Variants in GALNT18 observed in about 807,000 individuals in gnomAD.
GALNT18 encodes the protein polypeptide N-acetylgalactosaminyltransferase 18.
Under a neutral mutation model 69.5 loss-of-function variants are expected in GALNT18, and 44 were observed. That is an observed-to-expected ratio of 0.63 (90% CI 0.50 to 0.81). The LOEUF (loss-of-function observed/expected upper bound fraction) is 0.81. Ranked by LOEUF, GALNT18 falls within the 40% of genes least tolerant of loss-of-function variation. The probability of loss-of-function intolerance (pLI) is 0.00; values close to 1 mark genes in which losing one functional copy is unlikely to be tolerated. For synonymous variants in GALNT18, 364 were observed against 318.2 expected (o/e 1.14, Z -1.53); for missense variants, 715 against 810.0 (o/e 0.88, Z 1.42).
chr11:11,479,512 T>C (rs535493026), intron 1 of GALNT18, among the ~76,000 whole-genome samples: 1 of 152,318 alleles, frequency 6.6e-6, no homozygotes, highest in East Asian at 1.9e-4. Flanking sequence ...AGGGGTTCAA[T>C]AGTGCTTCCC....
rs927168162 is a variant in GALNT18, at chr11:11,600,887, C to T, written c.235+20472G>A. Among the ~76,000 whole-genome samples the T allele has an allele frequency of 6.6e-6, 1 of 151,950 alleles. No homozygotes were observed. Among genetic ancestry groups the T allele is most frequent in the African/African-American group, 2.4e-5 (1 of 41,388 alleles). On this transcript the variant is annotated intron_variant, in intron 1 of 10. Transcript: ENST00000227756. The surrounding 1 kb of genome is among the most constrained non-coding windows in gnomAD (Gnocchi z 4.8). ...CTCTATTGATCTATCTTCAAATTTG[C>T]TGATACTTTCTTCTGCCAACTCAAA...
chr11:11,396,218 A>G lies in GALNT18; in HGVS notation c.596-16954T>C, dbSNP rs989666723. Among the ~76,000 whole-genome samples the G allele has an allele frequency of 4.6e-5, 7 of 152,228 alleles. No homozygotes were observed. Among genetic ancestry groups the G allele is most frequent in the Non-Finnish European group, 8.8e-5 (6 of 68,048 alleles). Reference sequence around the variant, plus strand: ...CTCACCGAATTTGAAAGAGCAAAGAACTGGCACGACAGCGGCTGGGTCTGT... The same window carrying G: ...CTCACCGAATTTGAAAGAGCAAAGAGCTGGCACGACAGCGGCTGGGTCTGT... On this transcript the variant is annotated intron_variant, in intron 3 of 10. Coordinates refer to ENST00000227756, the MANE Select transcript of GALNT18 (RefSeq NM_198516.3). This position sits in a 1 kb window ranked among gnomAD's most constrained non-coding sequence, Gnocchi z 5.2.
intron 6 of GALNT18, among the ~76,000 whole-genome samples, chr11:11,344,345 C>G (rs1485631591): frequency 1.3e-5 from 2 of 152,204 alleles, no homozygotes; most frequent in Non-Finnish European, 2.9e-5. Flanking sequence ...AGCCTCAGTT[C>G]ACTGTCACTT....
At chr11:11,475,202 T>TC (rs397818520) in intron 1 of GALNT18, 23 of 151,556 alleles carry the variant, frequency 1.5e-4, no homozygotes, top group Admixed American at 1.5e-3. Context: ...TTCTTATAAC[T>TC]ACTTCGTGCC....
At chr11:11,514,559 A>G (rs2133918466) in intron 1 of GALNT18, among the ~76,000 whole-genome samples, 1 of 152,252 alleles carries the variant, frequency 6.6e-6, no homozygotes, top group South Asian at 2.1e-4. Flanking sequence ...CTTGTCACCC[A>G]TCGGATTGCA....
At chr11:11,464,492 T>C (rs1157571651) in intron 1 of GALNT18, among the ~76,000 whole-genome samples, 1 of 152,224 alleles carries the variant, frequency 6.6e-6, no homozygotes, top group Non-Finnish European at 1.5e-5. Flanking sequence ...GGCCCAGATC[T>C]AATGCCATTT....
chr11:11,351,011 C>A (rs933831377), intron 6 of GALNT18, among the ~76,000 whole-genome samples: 19 of 152,158 alleles, frequency 1.2e-4, no homozygotes, highest in African/African-American at 4.3e-4. Flanking sequence ...GGCATGGTCC[C>A]TGCAGGCACC....
rs767044253 is a variant in GALNT18, at chr11:11,327,146, G to A, written c.1452C>T (p.Asp484=). 85 of 1,613,946 alleles carry A rather than the reference G, an allele frequency of 5.3e-5. No homozygotes were observed. Among genetic ancestry groups the A allele is most frequent in the South Asian group, 3.2e-4 (29 of 91,082 alleles). The change falls in exon 9 of 11, where the codon GAC becomes GAT. Residue 484 remains aspartate, a synonymous_variant. Transcript: ENST00000227756. ...QNSLKTDLCL[D]QGPDTENVPI... is the part of the protein sequence containing the mutation. ...GGACATTCTCTGTATCTGGCCCCTG[G>A]TCAAGACACAAATCAGTCTTCAGAG...
rs116591440 is a variant in GALNT18, at chr11:11,588,216, C to T, written c.235+33143G>A. Among the ~76,000 whole-genome samples, 880 of 152,266 alleles carry T rather than the reference C, an allele frequency of 5.8e-3. 4 individuals carry two copies. The highest frequency in any genetic ancestry group is 0.02 in the African/African-American group (843 of 41,542). ...CTTGTCCTTTTCTTATGGCACTAGTCACTTTTCACCTTGGGAATGGATTAC... is the reference window on the plus strand; with the variant it reads ...CTTGTCCTTTTCTTATGGCACTAGTTACTTTTCACCTTGGGAATGGATTAC... On this transcript the variant is annotated intron_variant, in intron 1 of 10. Coordinates refer to ENST00000227756, the MANE Select transcript of GALNT18 (RefSeq NM_198516.3).
Position 11,621,666 on chromosome 11 carries a change from G to C in GALNT18, c.-73C>G, listed in dbSNP as rs973388821. The C allele has an allele frequency of 9.0e-7, 1 of 1,107,984 alleles. No individual in the cohort carries two copies. The highest frequency in any genetic ancestry group is 1.3e-6 in the Non-Finnish European group (1 of 762,166). 68.6% of individuals were successfully genotyped at this position (1,107,984 alleles called of 1,614,324 possible). A position where few individuals can be genotyped will look rare whatever the true frequency, so the allele number is the denominator to read the frequency against. On this transcript the variant is annotated 5_prime_UTR_variant, in exon 1 of 11. Coordinates refer to ENST00000227756, the MANE Select transcript of GALNT18 (RefSeq NM_198516.3). The surrounding 1 kb of genome is among the most constrained non-coding windows in gnomAD (Gnocchi z 9.3). ...GTGCGCCCCGAACTCCCCCGCGCTC[G>C]CACCCCGTAGCACGTCCGGAGCCGC...
At chr11:11,370,381 A>C (rs1850871346) in intron 6 of GALNT18, among the ~76,000 whole-genome samples, 1 of 152,238 alleles carries the variant, frequency 6.6e-6, no homozygotes, top group Non-Finnish European at 1.5e-5. Context: ...AAATACTAAT[A>C]ACCATACAAA....
chr11:11,607,843 A>G (rs1470875256), intron 1 of GALNT18, among the ~76,000 whole-genome samples: 1 of 152,228 alleles, frequency 6.6e-6, no homozygotes, highest in East Asian at 1.9e-4. Context: ...GACACCCTGC[A>G]TGACTCTTCC....
At chr11:11,300,000 G>A (rs1019264281) in intron 9 of GALNT18, among the ~76,000 whole-genome samples, 2 of 152,214 alleles carry the variant, frequency 1.3e-5, no homozygotes, top group African/African-American at 4.8e-5. Flanking sequence ...CAAAGACTGA[G>A]ATGCAAAAAT....
chr11:11,368,579 A>G lies in GALNT18; in HGVS notation c.1092+3936T>C, dbSNP rs898400206. On this transcript the variant is annotated intron_variant, in intron 6 of 10. Coordinates refer to ENST00000227756, the MANE Select transcript of GALNT18 (RefSeq NM_198516.3). ...GATTTTGAGTGATTTCTTTAGATCT[A>G]TTTTCCAGTTTCTTAATTTTATTCC... is the stretch of plus-strand genomic sequence containing the variant. Among the ~76,000 whole-genome samples the G allele has an allele frequency of 1.3e-5, 2 of 151,864 alleles. 1 individual carries two copies.
At chr11:11,426,417 G>C (rs1171779797) in intron 3 of GALNT18, among the ~76,000 whole-genome samples, 1 of 152,176 alleles carries the variant, frequency 6.6e-6, no homozygotes, top group Non-Finnish European at 1.5e-5. Flanking sequence ...TTAGAACAGT[G>C]ACTCACAAAG....
chr11:11,395,971 G>A (rs1161798335), intron 3 of GALNT18, among the ~76,000 whole-genome samples: 1 of 152,192 alleles, frequency 6.6e-6, no homozygotes, highest in Non-Finnish European at 1.5e-5. Flanking sequence ...CTACTGCTAA[G>A]TGGTGGAGAT....
intron 1 of GALNT18, among the ~76,000 whole-genome samples, chr11:11,575,118 C>T (rs1858890431): frequency 6.6e-6 from 1 of 152,106 alleles, no homozygotes; most frequent in Non-Finnish European, 1.5e-5. Context: ...AGCTCATTAC[C>T]ATGAACACAA....
At chr11:11,411,114 A>C (rs962446424) in intron 3 of GALNT18, among the ~76,000 whole-genome samples, 6 of 152,104 alleles carry the variant, frequency 3.9e-5, no homozygotes, top group Non-Finnish European at 5.9e-5. Flanking sequence ...GAAGTTAGAG[A>C]TCATCCTGGG....
At chr11:11,388,329 C>T (rs1458927125) in intron 3 of GALNT18, among the ~76,000 whole-genome samples, 1 of 152,114 alleles carries the variant, frequency 6.6e-6, no homozygotes, top group Non-Finnish European at 1.5e-5. Flanking sequence ...GCCAAAATGG[C>T]TTATTCTCCC....
Sources: allele counts gnomAD v4.1 joint callset (sites outside exome capture counted in the v4.1 genomes callset), GRCh38; gene constraint gnomAD v4.1.1; non-coding constraint Gnocchi (gnomAD v3.1); transcripts MANE v1.5; gene names NCBI Gene and HGNC (gene_info 2026-07-23, HGNC 2026-07-21).